Variants in COL17A1 observed in about 807,000 individuals in gnomAD.
The protein encoded by COL17A1 is collagen type XVII alpha 1 chain, also known as collagen alpha-1(XVII) chain.
Under a neutral mutation model 218.4 loss-of-function variants are expected in COL17A1, and 181 were observed. The ratio of observed to expected loss-of-function variants is 0.83; its 90% CI spans 0.73 to 0.94. COL17A1 has a LOEUF of 0.94. Ranked by LOEUF, COL17A1 falls within the 40% of genes least tolerant of loss-of-function variation. COL17A1 has a pLI of 0.00. For synonymous variants in COL17A1, 721 were observed against 731.0 expected, an observed-to-expected ratio of 0.99 and a Z score of 0.22; for missense variants, 1,924 against 1,945.9, an observed-to-expected ratio of 0.99 and a Z score of 0.21.
chr10:104,037,487 C>A, intron 46 of COL17A1, 149 bp downstream of exon 46: 3 of 1,084,398 alleles, frequency 2.8e-6, no homozygotes, highest in Non-Finnish European at 4.2e-6. Flanking sequence ...GACACTGTAT[C>A]CCAGTGGCCC....
chr10:104,066,389 T>C (rs74154728), intron 9 of COL17A1, among the ~76,000 whole-genome samples: 142 of 152,304 alleles, frequency 9.3e-4, no homozygotes, highest in African/African-American at 3.3e-3. Context: ...AGTATTGCTG[T>C]TTTATCTGGG....
intron 22 of COL17A1, 135 bp downstream of exon 22, chr10:104,053,785 G>A (rs372189023): frequency 1.4e-6 from 1 of 707,524 alleles, no homozygotes; most frequent in Non-Finnish European, 2.6e-6. Flanking sequence ...ACAACAGCAG[G>A]GTTTCTCTGT....
chr10:104,044,380 G>A (rs2086389239), intron 33 of COL17A1, among the ~76,000 whole-genome samples: 1 of 152,352 alleles, frequency 6.6e-6, no homozygotes, highest in Admixed American at 6.5e-5. Context: ...TTTCTGCCTT[G>A]TGTCTCAGAG....
rs111456157 is a variant in COL17A1 at position 104,084,392 on chromosome 10, C to G, written c.-12+1331G>C. Among the ~76,000 whole-genome samples the G allele has an allele frequency of 2.4e-3, 366 of 152,014 alleles. 1 individual carries two copies. The highest frequency in any genetic ancestry group is 7.7e-3 in the African/African-American group (319 of 41,422). On this transcript the variant is annotated intron_variant, in intron 1 of 55. Transcript: ENST00000648076. ...TGGCACAACCTTGGCCCACTGCAAC[C>G]TCTGCCTCCTGGGTTCAAGCAATTC...
Position 104,053,966 on chromosome 10 carries a change from C to T in COL17A1, c.1788G>A (p.Leu596=). 8 of 1,612,188 alleles carry T rather than the reference C, an allele frequency of 5.0e-6. No individual in the cohort carries two copies. The highest frequency in any genetic ancestry group is 6.8e-6 in the Non-Finnish European group (8 of 1,178,176). The part of the protein sequence containing the change: ...FPGTPGIPGP[L]GHPGPQGPKG... Reference sequence around the variant, plus strand: ...TTGGTCCTTGTGGACCTGGGTGGCCCAAGGGCCCAGGGATACCTGTGAACA... The same window carrying T: ...TTGGTCCTTGTGGACCTGGGTGGCCTAAGGGCCCAGGGATACCTGTGAACA... Residue 596 remains leucine (L), a synonymous_variant, in exon 22 of 56, where the codon TTG becomes TTA. Transcript: ENST00000648076.
rs2086346822 is a variant in COL17A1, at chr10:104,040,406, G to C, written c.2706C>G (p.Thr902=). The C allele has an allele frequency of 1.2e-6, 2 of 1,608,076 alleles. No homozygotes were observed. The highest frequency in any genetic ancestry group is 8.5e-7 in the Non-Finnish European group (1 of 1,174,818). Residue 902 remains threonine (T), a synonymous_variant, in exon 40 of 56, where the codon ACC becomes ACG. Transcript: ENST00000648076. The part of the protein sequence containing the change: ...PPGSFLSNSE[T]FLSGPPGPPG... ...GTGGGCCTGGGGGGCCGGAGAGGAAGGTTTCTGCAGAGGAAGGAAATAGTT... is the reference window on the plus strand; with the variant it reads ...GTGGGCCTGGGGGGCCGGAGAGGAACGTTTCTGCAGAGGAAGGAAATAGTT...
At position 104,064,545 on chromosome 10, in the gene COL17A1, A is replaced by C. The variant is rs2086610633; in HGVS notation, c.659T>G (p.Val220Gly). 1 of 1,613,962 alleles carries C rather than the reference A, an allele frequency of 6.2e-7. No individual in the cohort carries two copies. The highest frequency in any genetic ancestry group is 1.3e-5 in the African/African-American group (1 of 74,908). ...CCCCGCGGGCAGGGTGGAGGACCAC[A>C]CATGGGAGGGAAGGTTGGCATCCAG... Reference protein sequence around the residue: ...TILDANLPSHVWSSTLPAGSS... With the variant: ...TILDANLPSHGWSSTLPAGSS... Residue 220 changes from valine to glycine, a missense_variant, in exon 10 of 56, where the codon GTG (valine) becomes GGG (glycine). By Grantham distance (109) the Val-to-Gly change is moderately radical. Transcript: ENST00000648076.
intron 20 of COL17A1, 149 bp from the exon 21 acceptor site, chr10:104,054,267 C>A: frequency 1.3e-6 from 1 of 776,446 alleles, no homozygotes. Context: ...AGATAAACAA[C>A]ACATAGTTTT....
At position 104,064,559 on chromosome 10, in the gene COL17A1, G is replaced by C. The variant is rs777632937; in HGVS notation, c.645C>G (p.Asn215Lys). 4 of 1,613,992 alleles carry C rather than the reference G, an allele frequency of 2.5e-6. No homozygotes were observed. The highest frequency in any genetic ancestry group is 3.4e-6 in the Non-Finnish European group (4 of 1,179,950). Residue 215 changes from asparagine to lysine, a missense_variant, in exon 10 of 56, where the codon AAC becomes AAG. Coordinates refer to ENST00000648076, the MANE Select transcript of COL17A1 (RefSeq NM_000494.4). ...GTYDATILDA[N>K]LPSHVWSSTL... ...TGGAGGACCACACATGGGAGGGAAG[G>C]TTGGCATCCAGGATCGTTGCATCGT... is the stretch of plus-strand genomic sequence containing the variant.
chr10:104,076,883 T>C (rs2086715687), intron 4 of COL17A1, among the ~76,000 whole-genome samples: 1 of 152,206 alleles, frequency 6.6e-6, no homozygotes, highest in African/African-American at 2.4e-5. Flanking sequence ...TTGCTTTGTT[T>C]TGTTTTAGTT....
chr10:104,082,835 C>G (rs538619405), intron 1 of COL17A1, among the ~76,000 whole-genome samples: 1 of 152,190 alleles, frequency 6.6e-6, no homozygotes, highest in Non-Finnish European at 1.5e-5. Context: ...ATGACAAAGC[C>G]TTGACTTCTG....
intron 53 of COL17A1, 95 bp from the exon 54 acceptor site, chr10:104,033,063 A>G: frequency 6.5e-7 from 1 of 1,537,734 alleles, no homozygotes. Context: ...AGAGATAGTG[A>G]TGGAGTTTGG....
intron 43 of COL17A1, 110 bp from the exon 44 acceptor site, chr10:104,039,231 C>G: frequency 8.3e-7 from 1 of 1,201,606 alleles, no homozygotes; most frequent in Non-Finnish European, 1.2e-6. Context: ...TGTCTCTTGG[C>G]CTCCTTTTTG....
At chr10:104,042,688 A>G (rs368174726) in intron 35 of COL17A1, among the ~76,000 whole-genome samples, 10 of 152,284 alleles carry the variant, frequency 6.6e-5, no homozygotes, top group African/African-American at 2.4e-4. Context: ...GCTGTCCTGT[A>G]ATGGTTAGGG....
Position 104,074,090 on chromosome 10 carries a change from CA to C in COL17A1, c.379+93del, listed in dbSNP as rs1168120605. The C allele has an allele frequency of 1.1e-5, 18 of 1,591,764 alleles. No homozygotes were observed. In the African/African-American group the frequency reaches 2.3e-4, roughly 20 times the overall value. On this transcript the variant is annotated intron_variant, in intron 6 of 55. Coordinates refer to ENST00000648076, the MANE Select transcript of COL17A1 (RefSeq NM_000494.4). ...CTCTTTTAGAAGAATCCATTTAACT[CA>C]TGAGGTCCCCTACTCCCACCACTTC...
rs746845818 is a variant in COL17A1 at position 104,035,386 on chromosome 10, G to A, written c.3509-13C>T. The A allele has an allele frequency of 6.8e-6, 11 of 1,613,806 alleles. No individual in the cohort carries two copies. In the East Asian group the frequency reaches 2.2e-4, roughly 33 times the overall value. On this transcript the variant is annotated splice_polypyrimidine_tract_variant and intron_variant, in intron 49 of 55. Coordinates refer to ENST00000648076, the MANE Select transcript of COL17A1 (RefSeq NM_000494.4). ...CTGAATTCAGACCCTGAGACACCAA[G>A]GGAGGGCACGGAGTCAGTCCTGGCC...
At position 104,038,071 on chromosome 10, in the gene COL17A1, C is replaced by T. The variant is rs370186935; in HGVS notation, c.3071-298G>A. Among the ~76,000 whole-genome samples the T allele has an allele frequency of 3.9e-5, 6 of 152,296 alleles. No homozygotes were observed. In the South Asian group the frequency reaches 8.3e-4, roughly 21 times the overall value. On this transcript the variant is annotated intron_variant, in intron 45 of 55. Coordinates refer to ENST00000648076, the MANE Select transcript of COL17A1 (RefSeq NM_000494.4). Reference sequence around the variant, plus strand: ...GCAAGGTGTGGTGTGAAAGCATGTGCGTGTAGGGGATGAGCACGTGCGCCA... The same window carrying T: ...GCAAGGTGTGGTGTGAAAGCATGTGTGTGTAGGGGATGAGCACGTGCGCCA...
At chr10:104,082,504 G>C (rs551078104) in intron 1 of COL17A1, among the ~76,000 whole-genome samples, 1 of 152,320 alleles carries the variant, frequency 6.6e-6, no homozygotes, top group South Asian at 2.1e-4. Context: ...AGTCAGTGGG[G>C]AGGTGACTAG....
At position 104,034,194 on chromosome 10, in the gene COL17A1, G is replaced by A. The variant is rs761162295; in HGVS notation, c.3907C>T (p.Arg1303Trp). 19 of 1,613,122 alleles carry A rather than the reference G, an allele frequency of 1.2e-5. No individual in the cohort carries two copies. The highest frequency in any genetic ancestry group is 1.7e-5 in the Admixed American group (1 of 59,978). ...SSSSHSSSVR[R>W]GSSYSSSMST... ...ATGGAAGAGCTGTAGGAGCTGCCCC[G>A]CCTGACAGATGAGCTGTGTGAGGAG... The change falls in exon 52 of 56, where the codon CGG (arginine) becomes TGG (tryptophan). Residue 1303 changes from arginine (R) to tryptophan (W), a missense_variant. Arg to Trp is a moderately radical substitution (Grantham distance 101). Coordinates refer to ENST00000648076, the MANE Select transcript of COL17A1 (RefSeq NM_000494.4).
Sources: allele counts gnomAD v4.1 joint callset (sites outside exome capture counted in the v4.1 genomes callset), GRCh38; gene constraint gnomAD v4.1.1; transcripts MANE v1.5; gene names NCBI Gene and HGNC (gene_info 2026-07-23, HGNC 2026-07-21).